The following PTPRD variants were observed in gnomAD, a reference collection of about 807,000 sequenced individuals.
The protein encoded by PTPRD is receptor-type tyrosine-protein phosphatase delta.
In PTPRD, 34 loss-of-function variants were observed where a neutral mutation model predicts 214.5. The ratio of observed to expected loss-of-function variants is 0.16; its 90% CI spans 0.12 to 0.21. The LOEUF (loss-of-function observed/expected upper bound fraction) is 0.21. PTPRD is among the 10% of genes least tolerant of loss of function. The pLI, the probability that PTPRD is intolerant of heterozygous loss-of-function variation, is 1.00. For synonymous variants in PTPRD, 1,128 were observed against 845.7 expected, an observed-to-expected ratio of 1.33 and a Z score of -5.79; for missense variants, 2,545 against 2,398.7, an observed-to-expected ratio of 1.06 and a Z score of -1.27.
rs35299908 is a variant in PTPRD at position 9,923,123 on chromosome 9, G to GGTGTGTGT, written c.-368+15376_-368+15383dup. On this transcript the variant is annotated intron_variant, in intron 5 of 45. Transcript: ENST00000381196. ...AAAAAAAAGGACTGTGTGTGTGGGG[G>GGTGTGTGT]GTGTGTGTGTGTGTGTGTGTGTGTG... Among the ~76,000 whole-genome samples, 485 of 145,056 alleles carry GGTGTGTGT rather than the reference G, an allele frequency of 3.3e-3. 2 individuals carry two copies. The highest frequency in any genetic ancestry group is 0.012 in the African/African-American group (462 of 39,294).
At chr9:9,488,480 C>A (rs549572359) in intron 8 of PTPRD, among the ~76,000 whole-genome samples, 1 of 152,184 alleles carries the variant, frequency 6.6e-6, no homozygotes, top group South Asian at 2.1e-4. Flanking sequence ...CTCTCAGGTT[C>A]TTTCACTCAG....
chr9:10,529,742 A>C (rs916918715), intron 2 of PTPRD, among the ~76,000 whole-genome samples: 1 of 151,678 alleles, frequency 6.6e-6, no homozygotes, highest in African/African-American at 2.4e-5. Flanking sequence ...GAATGAGTTC[A>C]TGTCTTTTGC....
At chr9:10,565,027 A>G (rs115413331) in intron 2 of PTPRD, among the ~76,000 whole-genome samples, 1,611 of 152,194 alleles carry the variant, frequency 0.011, 29 homozygotes, top group African/African-American at 0.036. Flanking sequence ...AATCAATTAC[A>G]TGAAGGAATT....
At chr9:9,193,101 A>G (rs2099936239) in intron 9 of PTPRD, among the ~76,000 whole-genome samples, 1 of 152,154 alleles carries the variant, frequency 6.6e-6, no homozygotes, top group Admixed American at 6.6e-5. Flanking sequence ...TCCATATACA[A>G]ACGTTCAGTT....
intron 12 of PTPRD, among the ~76,000 whole-genome samples, chr9:8,652,481 T>C (rs756371161): frequency 6.6e-6 from 1 of 152,214 alleles, no homozygotes; most frequent in African/African-American, 2.4e-5. Flanking sequence ...CATTTGCAGA[T>C]ACCCAAGCCT....
chr9:10,200,049 G>T (rs906300461), intron 3 of PTPRD, among the ~76,000 whole-genome samples: 4 of 151,742 alleles, frequency 2.6e-5, no homozygotes, highest in African/African-American at 9.7e-5. Flanking sequence ...CTTCTATACA[G>T]ATGTGTAAAA....
At chr9:8,493,832 G>C (rs986784349) in intron 26 of PTPRD, among the ~76,000 whole-genome samples, 1 of 152,120 alleles carries the variant, frequency 6.6e-6, no homozygotes, top group Non-Finnish European at 1.5e-5. Flanking sequence ...AGCTGTGGTG[G>C]TTATAAGACC....
chr9:10,482,487 C>T (rs904845667), intron 2 of PTPRD, among the ~76,000 whole-genome samples: 1 of 144,116 alleles, frequency 6.9e-6, no homozygotes, highest in Admixed American at 7.3e-5. Context: ...ATCAAATTAT[C>T]TATTTGCCAA....
Position 10,167,892 on chromosome 9 carries a change from T to C in PTPRD, c.-544-134102A>G, listed in dbSNP as rs776141969. The stretch of plus-strand genomic sequence containing the variant: ...AGCTGTAAGAGTTCATACTGTGTGA[T>C]AGAAGAGACCAAAATGTGCAAAGAG... On this transcript the variant is annotated intron_variant, in intron 3 of 45. Coordinates refer to ENST00000381196, the MANE Select transcript of PTPRD (RefSeq NM_002839.4). 1.2e-4 allele frequency among the ~76,000 whole-genome samples: 18 copies of C among 152,270 alleles called. No homozygotes were observed. In the East Asian group the frequency reaches 3.5e-3, roughly 29 times the overall value.
At chr9:9,041,903 C>A (rs1005126606) in intron 10 of PTPRD, among the ~76,000 whole-genome samples, 4 of 152,170 alleles carry the variant, frequency 2.6e-5, no homozygotes, top group African/African-American at 9.7e-5. Context: ...ATTATTTGAA[C>A]AAGAAGTCTC....
intron 14 of PTPRD, among the ~76,000 whole-genome samples, chr9:8,529,429 G>A (rs943665511): frequency 2.6e-5 from 4 of 152,056 alleles, no homozygotes; most frequent in African/African-American, 7.2e-5. Context: ...AAAAAGAAGA[G>A]CAAAAGCAAC....
intron 11 of PTPRD, among the ~76,000 whole-genome samples, chr9:8,864,835 A>C (rs2098167446): frequency 6.6e-6 from 1 of 152,234 alleles, no homozygotes; most frequent in Admixed American, 6.5e-5. Flanking sequence ...AACAGTGAAT[A>C]TAGCAAGGCA....
chr9:9,178,807 T>G (rs1458724556), intron 10 of PTPRD, among the ~76,000 whole-genome samples: 2 of 152,134 alleles, frequency 1.3e-5, no homozygotes, highest in African/African-American at 2.4e-5. Flanking sequence ...TGTGACTCTC[T>G]CAAGCAGAAA....
At chr9:10,470,203 T>G (rs1486089891) in intron 2 of PTPRD, among the ~76,000 whole-genome samples, 1 of 152,224 alleles carries the variant, frequency 6.6e-6, no homozygotes, top group Non-Finnish European at 1.5e-5. Context: ...ACATTATATG[T>G]TTGTATCAAA....
intron 9 of PTPRD, among the ~76,000 whole-genome samples, chr9:9,277,360 A>G (rs1946052230): frequency 6.6e-6 from 1 of 151,406 alleles, no homozygotes; most frequent in Non-Finnish European, 1.5e-5. Context: ...ACTATCTGGT[A>G]TTGATAGAGC....
chr9:8,885,202 A>T (rs1311834287), intron 11 of PTPRD, among the ~76,000 whole-genome samples: 3 of 152,128 alleles, frequency 2.0e-5, no homozygotes, highest in Non-Finnish European at 4.4e-5. Flanking sequence ...TAGGTCCTTT[A>T]CTTATTCACC....
Position 8,440,021 on chromosome 9 carries a change from T to C in PTPRD, c.3989-3332A>G, listed in dbSNP as rs545692538. 8.2e-4 allele frequency among the ~76,000 whole-genome samples: 121 copies of C among 147,488 alleles called. 1 individual carries two copies. The highest frequency in any genetic ancestry group is 2.8e-4 in the Non-Finnish European group (19 of 67,234). ...GGTCTGTGGATGTGGGAGCTATATA[T>C]TGATATTTTTAAAGTTCCTCAGCAC... On this transcript the variant is annotated intron_variant, in intron 34 of 45. Transcript: ENST00000381196.
chr9:10,154,680 C>T (rs1477395624), intron 3 of PTPRD, among the ~76,000 whole-genome samples: 2 of 152,028 alleles, frequency 1.3e-5, no homozygotes, highest in Non-Finnish European at 2.9e-5. Context: ...AGCTAGCTAG[C>T]TATCCCAGTA....
intron 11 of PTPRD, among the ~76,000 whole-genome samples, chr9:9,010,338 G>C (rs2099504710): frequency 6.6e-6 from 1 of 152,160 alleles, no homozygotes; most frequent in African/African-American, 2.4e-5. Context: ...GACTTTTTGA[G>C]TTACTGATGC....
Sources: allele counts gnomAD v4.1 joint callset (sites outside exome capture counted in the v4.1 genomes callset), GRCh38; gene constraint gnomAD v4.1.1; transcripts MANE v1.5; gene names NCBI Gene and HGNC (gene_info 2026-07-23, HGNC 2026-07-21).